The following FUCA2 variants were observed in gnomAD, a reference collection of about 807,000 sequenced individuals.
The protein encoded by FUCA2 is alpha-L-fucosidase 2, also known as plasma alpha-L-fucosidase.
In FUCA2, 41 loss-of-function variants were observed where a neutral mutation model predicts 52.6. That is an observed-to-expected ratio of 0.78 (90% CI 0.61 to 1.01). The LOEUF is 1.01. Among genes scored for constraint, FUCA2 ranks in the 50% least tolerant of loss-of-function variants. The pLI is 0.00. For missense variants in FUCA2, 507 were observed against 569.5 expected (o/e 0.89, Z 1.12); for synonymous variants, 211 against 217.3 (o/e 0.97, Z 0.26).
rs1780660741 is a variant in FUCA2, at chr6:143,509,963, GC to G, written c.224+1447del. Among the ~76,000 whole-genome samples, 1 of 152,168 alleles carries G rather than the reference GC, an allele frequency of 6.6e-6. No individual in the cohort carries two copies. Among genetic ancestry groups the G allele is most frequent in the South Asian group, 2.1e-4 (1 of 4,830 alleles). ...ATAGCAGGTGCATGAAGAGCACTTT[GC>G]CCTTTGTGCTGTTTCTTAGGAGAGA... On this transcript the variant is annotated intron_variant, in intron 1 of 6. Coordinates refer to ENST00000002165, the MANE Select transcript of FUCA2 (RefSeq NM_032020.5). This position sits in a 1 kb window ranked among gnomAD's most constrained non-coding sequence, Gnocchi z 5.4.
At position 143,502,054 on chromosome 6, in the gene FUCA2, G is replaced by A. The variant is rs1332718088; in HGVS notation, c.1032C>T (p.Thr344=). The A allele has an allele frequency of 6.2e-7, 1 of 1,613,624 alleles. No individual in the cohort carries two copies. Among genetic ancestry groups the A allele is most frequent in the South Asian group, 1.1e-5 (1 of 91,038 alleles). The stretch of plus-strand genomic sequence containing the variant: ...GTCGCTCCTCAAAAACTACAGAAAT[G>A]GTGCCATCTAGTGTGGGCCCAATAT... ...LMNIGPTLDG[T]ISVVFEERLR... The change falls in exon 5 of 7, where the codon ACC becomes ACT. Residue 344 remains threonine, a synonymous_variant. Coordinates refer to ENST00000002165, the MANE Select transcript of FUCA2 (RefSeq NM_032020.5). This position sits in a 1 kb window ranked among gnomAD's most constrained non-coding sequence, Gnocchi z 4.1.
rs780368660 is a variant in FUCA2 at position 143,499,290 on chromosome 6, C to T, written c.1155-1793G>A. Reference sequence around the variant, plus strand: ...ACATTAAGATAAACGCAGTGGCTCACGCCTGTAATCCCAGCACTTTGGGAG... The same window carrying T: ...ACATTAAGATAAACGCAGTGGCTCATGCCTGTAATCCCAGCACTTTGGGAG... On this transcript the variant is annotated intron_variant, in intron 5 of 6. Coordinates refer to ENST00000002165, the MANE Select transcript of FUCA2 (RefSeq NM_032020.5). This position sits in a 1 kb window ranked among gnomAD's most constrained non-coding sequence, Gnocchi z 6.0. Among the ~76,000 whole-genome samples the T allele has an allele frequency of 8.5e-5, 13 of 152,164 alleles. No homozygotes were observed. Among genetic ancestry groups the T allele is most frequent in the Admixed American group, 2.0e-4 (3 of 15,280 alleles).
At position 143,495,126 on chromosome 6, in the gene FUCA2, C is replaced by T. The variant is rs1033012620; in HGVS notation, c.*581G>A. The T allele has an allele frequency of 6.6e-6, 1 of 152,174 alleles. No individual in the cohort carries two copies. Among genetic ancestry groups the T allele is most frequent in the Non-Finnish European group, 1.5e-5 (1 of 68,058 alleles). The allele number at this position is 152,174 out of a possible 1,614,324, so 9.4% of individuals were successfully genotyped here. On this transcript the variant is annotated 3_prime_UTR_variant, in exon 7 of 7. Transcript: ENST00000002165. The surrounding 1 kb of genome is among the most constrained non-coding windows in gnomAD (Gnocchi z 5.2). ...TTTATTTTACAGTATTTTTACTGTA[C>T]CTTCTCTATGTTTCCATATGTTTCG... is the stretch of plus-strand genomic sequence containing the variant.
chr6:143,508,480 G>A (rs2128422710), intron 1 of FUCA2, among the ~76,000 whole-genome samples: 1 of 152,330 alleles, frequency 6.6e-6, no homozygotes, highest in South Asian at 2.1e-4. Flanking sequence ...TAATTGAAGG[G>A]CATACTATGC....
At position 143,506,766 on chromosome 6, in the gene FUCA2, A is replaced by G. The variant is rs1225009295; in HGVS notation, c.412+471T>C. On this transcript the variant is annotated intron_variant, in intron 2 of 6. Coordinates refer to ENST00000002165, the MANE Select transcript of FUCA2 (RefSeq NM_032020.5). Reference sequence around the variant, plus strand: ...GGTCACTTTCATCACTTTCATCACTATCAGTTCATCCACTATTTGCACCAT... The same window carrying G: ...GGTCACTTTCATCACTTTCATCACTGTCAGTTCATCCACTATTTGCACCAT... The G allele has an allele frequency of 2.9e-4, 45 of 153,238 alleles. No individual in the cohort carries two copies. In the Admixed American group the frequency reaches 2.9e-3, roughly 10 times the overall value. 9.5% of individuals were successfully genotyped at this position (153,238 alleles called of 1,614,324 possible). A position where few individuals can be genotyped will look rare whatever the true frequency, so the allele number is the denominator to read the frequency against.
chr6:143,497,825 TA>T lies in FUCA2; in HGVS notation c.1155-329del, dbSNP rs1200187176. On this transcript the variant is annotated intron_variant, in intron 5 of 6. Coordinates refer to ENST00000002165, the MANE Select transcript of FUCA2 (RefSeq NM_032020.5). This position sits in a 1 kb window ranked among gnomAD's most constrained non-coding sequence, Gnocchi z 5.3. The stretch of plus-strand genomic sequence containing the variant: ...GCTTTTCATGTATTATTCAAATTTT[TA>T]TATTCATTCATTCATTCAACAAGAC... Among the ~76,000 whole-genome samples, 1 of 152,214 alleles carries T rather than the reference TA, an allele frequency of 6.6e-6. No individual in the cohort carries two copies. Among genetic ancestry groups the T allele is most frequent in the Non-Finnish European group, 1.5e-5 (1 of 68,034 alleles).
chr6:143,502,402 T>C lies in FUCA2; in HGVS notation c.916A>G (p.Arg306Gly), dbSNP rs770437411. Residue 306 changes from arginine to glycine, a missense_variant, in exon 4 of 7, where the codon AGG (arginine) becomes GGG (glycine). Physicochemically the swap from Arg to Gly is moderately radical, Grantham distance 125. Transcript: ENST00000002165. The surrounding 1 kb of genome is among the most constrained non-coding windows in gnomAD (Gnocchi z 4.1). ...TIDKLSWGYR[R>G]EAGISDYLTI... is the part of the protein sequence containing the mutation. ...AGATAGTCAGAGATTCCAGCTTCCC[T>C]CCTATAGCCCCAGGACAGTTTGTCT... 1 of 1,614,006 alleles carries C rather than the reference T, an allele frequency of 6.2e-7. No homozygotes were observed. Among genetic ancestry groups the C allele is most frequent in the Admixed American group, 1.7e-5 (1 of 59,994 alleles).
In FUCA2 at chr6:143,497,569, G is replaced by T. The variant is rs1780475501; in HGVS notation, c.1155-72C>A. 1.3e-6 allele frequency: 1 copy of T among 750,436 alleles called. No homozygotes were observed. The highest frequency in any genetic ancestry group is 2.2e-6 in the Non-Finnish European group (1 of 452,810). The allele number at this position is 750,436 out of a possible 1,614,324, so 46.5% of individuals were successfully genotyped here. A position where few individuals can be genotyped will look rare whatever the true frequency, so the allele number is the denominator to read the frequency against. On this transcript the variant is annotated intron_variant, in intron 5 of 6. Transcript: ENST00000002165. The surrounding 1 kb of genome is among the most constrained non-coding windows in gnomAD (Gnocchi z 5.3). Reference sequence around the variant, plus strand: ...ATGTTTCTCACTATTTATGGATCAGGAACAATCTGGAATTATTTTACAGAT... The same window carrying T: ...ATGTTTCTCACTATTTATGGATCAGTAACAATCTGGAATTATTTTACAGAT...
Position 143,501,927 on chromosome 6 carries a change from C to T in FUCA2, c.1154+5G>A, listed in dbSNP as rs1352710518. On this transcript the variant is annotated splice_donor_5th_base_variant and intron_variant, in intron 5 of 6. Transcript: ENST00000002165. This position sits in a 1 kb window ranked among gnomAD's most constrained non-coding sequence, Gnocchi z 6.1. The stretch of plus-strand genomic sequence containing the variant: ...AAAGAGTACTTGGTAACAAGAATGA[C>T]TTACCACACATCTGGGGTGACAGTG... 6.2e-7 allele frequency: 1 copy of T among 1,608,666 alleles called. No individual in the cohort carries two copies.
rs1780627605 is a variant in FUCA2 at position 143,507,716 on chromosome 6, T to C, written c.225-292A>G. Among the ~76,000 whole-genome samples, 1 of 152,154 alleles carries C rather than the reference T, an allele frequency of 6.6e-6. No homozygotes were observed. The highest frequency in any genetic ancestry group is 2.4e-5 in the African/African-American group (1 of 41,430). On this transcript the variant is annotated intron_variant, in intron 1 of 6. Coordinates refer to ENST00000002165, the MANE Select transcript of FUCA2 (RefSeq NM_032020.5). The surrounding 1 kb of genome is among the most constrained non-coding windows in gnomAD (Gnocchi z 4.5). The stretch of plus-strand genomic sequence containing the variant: ...ACAGGGTCTCACTCTGTCACTCAGG[T>C]TGGAATGCAGTAATGGAATCATGGT...
Position 143,502,657 on chromosome 6 carries a change from A to G in FUCA2, c.753-92T>C. ...TGAAAAGACATGTAATTGAAATACA[A>G]TTCTGAAAAGGGACCATGGCATAGT... On this transcript the variant is annotated intron_variant, in intron 3 of 6. Transcript: ENST00000002165. This position sits in a 1 kb window ranked among gnomAD's most constrained non-coding sequence, Gnocchi z 4.1. 1 of 1,130,822 alleles carries G rather than the reference A, an allele frequency of 8.8e-7. No homozygotes were observed. Among genetic ancestry groups the G allele is most frequent in the Non-Finnish European group, 1.3e-6 (1 of 790,950 alleles). 70.0% of individuals were successfully genotyped at this position (1,130,822 alleles called of 1,614,324 possible).
At position 143,497,742 on chromosome 6, in the gene FUCA2, C is replaced by T. The variant is rs114279752; in HGVS notation, c.1155-245G>A. Among the ~76,000 whole-genome samples, 371 of 152,278 alleles carry T rather than the reference C, an allele frequency of 2.4e-3. 4 individuals are homozygous for T. The highest frequency in any genetic ancestry group is 8.6e-3 in the African/African-American group (359 of 41,548). The stretch of plus-strand genomic sequence containing the variant: ...GCATTCCTCTTCATCAGACTGCTCT[C>T]ATGGAGCTGAAAAGGGGAGGGAGAT... On this transcript the variant is annotated intron_variant, in intron 5 of 6. Coordinates refer to ENST00000002165, the MANE Select transcript of FUCA2 (RefSeq NM_032020.5). The surrounding 1 kb of genome is among the most constrained non-coding windows in gnomAD (Gnocchi z 5.3).
In FUCA2 at chr6:143,502,059, C is replaced by T. The variant is rs1285150614; in HGVS notation, c.1027G>A (p.Gly343Ser). The T allele has an allele frequency of 2.5e-6, 4 of 1,613,708 alleles. No individual in the cohort carries two copies. The highest frequency in any genetic ancestry group is 2.2e-5 in the East Asian group (1 of 44,884). Residue 343 changes from glycine to serine, a missense_variant, in exon 5 of 7, where the codon GGC becomes AGC. By Grantham distance (56) the Gly-to-Ser change is moderately conservative. Transcript: ENST00000002165. This position sits in a 1 kb window ranked among gnomAD's most constrained non-coding sequence, Gnocchi z 4.1. ...TCCTCAAAAACTACAGAAATGGTGC[C>T]ATCTAGTGTGGGCCCAATATTCATC... ...LLMNIGPTLD[G>S]TISVVFEERL...
At position 143,501,610 on chromosome 6, in the gene FUCA2, C is replaced by T. The variant is rs886303070; in HGVS notation, c.1154+322G>A. Among the ~76,000 whole-genome samples, 6 of 152,168 alleles carry T rather than the reference C, an allele frequency of 3.9e-5. No homozygotes were observed. Among genetic ancestry groups the T allele is most frequent in the Admixed American group, 3.3e-4 (5 of 15,280 alleles). ...ACCGAACTGGTTAAACAGTAATCTCCGTTTTAGACTAACCATTCAGCATTT... is the reference window on the plus strand; with the variant it reads ...ACCGAACTGGTTAAACAGTAATCTCTGTTTTAGACTAACCATTCAGCATTT... On this transcript the variant is annotated intron_variant, in intron 5 of 6. Coordinates refer to ENST00000002165, the MANE Select transcript of FUCA2 (RefSeq NM_032020.5). This position sits in a 1 kb window ranked among gnomAD's most constrained non-coding sequence, Gnocchi z 6.1.
rs567163509 is a variant in FUCA2, at chr6:143,500,576, A to C, written c.1154+1356T>G. Among the ~76,000 whole-genome samples the C allele has an allele frequency of 6.6e-6, 1 of 152,204 alleles. No homozygotes were observed. Among genetic ancestry groups the C allele is most frequent in the Admixed American group, 6.5e-5 (1 of 15,270 alleles). On this transcript the variant is annotated intron_variant, in intron 5 of 6. Transcript: ENST00000002165. This position sits in a 1 kb window ranked among gnomAD's most constrained non-coding sequence, Gnocchi z 6.9. Reference sequence around the variant, plus strand: ...CTCAGGGCTTCAGTTGTGGACGTACAGGTCTAAGATGCTATGCATCCAAGT... The same window carrying C: ...CTCAGGGCTTCAGTTGTGGACGTACCGGTCTAAGATGCTATGCATCCAAGT...
chr6:143,511,522 C>A lies in FUCA2; in HGVS notation c.113G>T (p.Trp38Leu). 1 of 1,591,046 alleles carries A rather than the reference C, an allele frequency of 6.3e-7. No individual in the cohort carries two copies. Residue 38 changes from tryptophan (W) to leucine (L), a missense_variant, in exon 1 of 7, where the codon TGG (tryptophan) becomes TTG (leucine). Trp to Leu is a moderately conservative substitution (Grantham distance 61). Transcript: ENST00000002165. This position sits in a 1 kb window ranked among gnomAD's most constrained non-coding sequence, Gnocchi z 6.3. ...CAGCTGGCGGGCGTCCAGGGACTCCCAGGTGGGGTCGAAGCGCGTGGCGCT... is the reference window on the plus strand; with the variant it reads ...CAGCTGGCGGGCGTCCAGGGACTCCAAGGTGGGGTCGAAGCGCGTGGCGCT... ...AHSATRFDPTWESLDARQLPA... is the reference protein window; with the variant it reads ...AHSATRFDPTLESLDARQLPA...
rs1367243624 is a variant in FUCA2, at chr6:143,495,040, C to T, written c.*667G>A. On this transcript the variant is annotated 3_prime_UTR_variant, in exon 7 of 7. Coordinates refer to ENST00000002165, the MANE Select transcript of FUCA2 (RefSeq NM_032020.5). This position sits in a 1 kb window ranked among gnomAD's most constrained non-coding sequence, Gnocchi z 5.2. ...CCTTCACATTCACTCACTGACTCAC[C>T]CAGAGCAACTTCCAGTCCTGTAAGC... 6.5e-6 allele frequency: 1 copy of T among 153,148 alleles called. No individual in the cohort carries two copies. The highest frequency in any genetic ancestry group is 1.9e-4 in the East Asian group (1 of 5,234). The allele number at this position is 153,148 out of a possible 1,614,324, so 9.5% of individuals were successfully genotyped here. A position where few individuals can be genotyped will look rare whatever the true frequency, so the allele number is the denominator to read the frequency against.
Position 143,502,452 on chromosome 6 carries a change from T to C in FUCA2, c.866A>G (p.His289Arg). ...DRYNPGHLLP[H>R]KWENCMTIDK... The stretch of plus-strand genomic sequence containing the variant: ...TATTGTCATGCAGTTTTCCCATTTA[T>C]GTGGCAAAAGATGTCCTGGGTTATA... Residue 289 changes from histidine to arginine, a missense_variant, in exon 4 of 7, where the codon CAT (histidine) becomes CGT (arginine). Physicochemically the swap from His to Arg is conservative, Grantham distance 29. Transcript: ENST00000002165. The surrounding 1 kb of genome is among the most constrained non-coding windows in gnomAD (Gnocchi z 4.1). 1.2e-6 allele frequency: 2 copies of C among 1,614,136 alleles called. No homozygotes were observed. Among genetic ancestry groups the C allele is most frequent in the Non-Finnish European group, 1.7e-6 (2 of 1,179,982 alleles).
Position 143,497,643 on chromosome 6 carries a change from G to T in FUCA2, c.1155-146C>A, listed in dbSNP as rs1780476484. 1 of 558,804 alleles carries T rather than the reference G, an allele frequency of 1.8e-6. No individual in the cohort carries two copies. 34.6% of individuals were successfully genotyped at this position (558,804 alleles called of 1,614,324 possible). A position where few individuals can be genotyped will look rare whatever the true frequency, so the allele number is the denominator to read the frequency against. On this transcript the variant is annotated intron_variant, in intron 5 of 6. Coordinates refer to ENST00000002165, the MANE Select transcript of FUCA2 (RefSeq NM_032020.5). The surrounding 1 kb of genome is among the most constrained non-coding windows in gnomAD (Gnocchi z 5.3). The stretch of plus-strand genomic sequence containing the variant: ...AGAAGGGAAGGAAAAATAGCCTCAT[G>T]GTGGTATAAAAAAACACCTTCCTCC...
Sources: gnomAD v4.1 joint callset for allele counts (sites outside exome capture counted in the v4.1 genomes callset) on GRCh38, gnomAD v4.1.1 for gene constraint, Gnocchi (gnomAD v3.1) non-coding constraint, MANE v1.5 for transcripts, NCBI Gene and HGNC (gene_info 2026-07-23, HGNC 2026-07-21) for gene names.